GPC6: variants seen among roughly 807,000 people sequenced by gnomAD.
GPC6 encodes the protein glypican 6.
In GPC6, 14 loss-of-function variants were observed where a neutral mutation model predicts 55.2. That is an observed-to-expected ratio of 0.25 (90% CI 0.17 to 0.40). The LOEUF is 0.40. Among genes scored for constraint, GPC6 ranks in the 10% least tolerant of loss-of-function variants. The probability of loss-of-function intolerance (pLI) is 1.00; values close to 1 mark genes in which losing one functional copy is unlikely to be tolerated. For missense variants in GPC6, 641 were observed against 708.5 expected (o/e 0.90, Z 1.08); for synonymous variants, 278 against 259.6 (o/e 1.07, Z -0.68).
chr13:93,518,301 A>G (rs1364265920), intron 1 of GPC6, among the ~76,000 whole-genome samples: 1 of 151,778 alleles, frequency 6.6e-6, no homozygotes, highest in African/African-American at 2.4e-5. Flanking sequence ...TTATGTGGAT[A>G]CATTCAAATG....
At chr13:94,009,374 G>A (rs762936165) in intron 3 of GPC6, among the ~76,000 whole-genome samples, 1 of 152,088 alleles carries the variant, frequency 6.6e-6, no homozygotes, top group Non-Finnish European at 1.5e-5. Flanking sequence ...AGGATCTTGG[G>A]TATTAGAATA....
chr13:94,341,147 T>G (rs539223893), intron 6 of GPC6, among the ~76,000 whole-genome samples: 33 of 152,346 alleles, frequency 2.2e-4, no homozygotes, highest in African/African-American at 7.5e-4. Context: ...TTCTAGGCAC[T>G]TCTATACTAA....
intron 2 of GPC6, among the ~76,000 whole-genome samples, chr13:93,639,402 C>T (rs1370333559): frequency 6.6e-6 from 1 of 152,026 alleles, no homozygotes; most frequent in African/African-American, 2.4e-5. Flanking sequence ...CATTTAGGGG[C>T]TGTTGGATAA....
chr13:93,252,776 T>C (rs1309794502), intron 1 of GPC6, among the ~76,000 whole-genome samples: 1 of 152,218 alleles, frequency 6.6e-6, no homozygotes, highest in African/African-American at 2.4e-5. Flanking sequence ...AATTAAATAC[T>C]CCTTGGTTGG....
At chr13:94,059,057 A>C (rs1043556819) in intron 4 of GPC6, among the ~76,000 whole-genome samples, 2 of 152,162 alleles carry the variant, frequency 1.3e-5, no homozygotes, top group African/African-American at 4.8e-5. Context: ...AAACCAAAAA[A>C]AGAGCTTTAC....
intron 3 of GPC6, among the ~76,000 whole-genome samples, chr13:93,917,733 A>C (rs1877361197): frequency 6.6e-6 from 1 of 152,232 alleles, no homozygotes; most frequent in African/African-American, 2.4e-5. Context: ...GTGCGACCCC[A>C]GCCACATGAG....
chr13:94,287,635 A>G (rs2139086235), intron 5 of GPC6, among the ~76,000 whole-genome samples: 1 of 152,262 alleles, frequency 6.6e-6, no homozygotes, highest in African/African-American at 2.4e-5. Flanking sequence ...TAATGAGCTC[A>G]GTGTAGCCTG....
In GPC6 at chr13:94,158,939, C is replaced by T. The variant is rs145031147; in HGVS notation, c.878-127410C>T. Among the ~76,000 whole-genome samples the T allele has an allele frequency of 2.7e-3, 413 of 152,236 alleles. 3 individuals are homozygous for T. Among genetic ancestry groups the T allele is most frequent in the African/African-American group, 9.2e-3 (384 of 41,544 alleles). On this transcript the variant is annotated intron_variant, in intron 4 of 8. Transcript: ENST00000377047. ...TTACCACTATCCCCCAATATTAATTCACCCTACTCTGTTCCATCCAGATGT... is the reference window on the plus strand; with the variant it reads ...TTACCACTATCCCCCAATATTAATTTACCCTACTCTGTTCCATCCAGATGT...
chr13:93,844,113 C>G (rs1888069486), intron 3 of GPC6, among the ~76,000 whole-genome samples: 1 of 152,052 alleles, frequency 6.6e-6, no homozygotes, highest in Non-Finnish European at 1.5e-5. Flanking sequence ...CTCCTTTAAG[C>G]TTTATATTGG....
intron 3 of GPC6, among the ~76,000 whole-genome samples, chr13:93,917,759 C>T (rs1292203422): frequency 6.6e-6 from 1 of 152,120 alleles, no homozygotes; most frequent in African/African-American, 2.4e-5. Context: ...TGGGACATGT[C>T]ACATCATAAA....
At chr13:94,144,654 G>A (rs1456876694) in intron 4 of GPC6, among the ~76,000 whole-genome samples, 1 of 151,764 alleles carries the variant, frequency 6.6e-6, no homozygotes, top group Non-Finnish European at 1.5e-5. Context: ...ACAAAGACTT[G>A]TCTAAAATAC....
At chr13:94,370,818 A>C (rs994219188) in intron 6 of GPC6, among the ~76,000 whole-genome samples, 6 of 152,230 alleles carry the variant, frequency 3.9e-5, no homozygotes, top group African/African-American at 1.4e-4. Context: ...GAATTAACAC[A>C]TTCAGTACCT....
intron 4 of GPC6, among the ~76,000 whole-genome samples, chr13:94,103,827 C>T (rs973291690): frequency 2.0e-5 from 3 of 152,046 alleles, no homozygotes; most frequent in East Asian, 1.9e-4. Context: ...CTCCCATTCT[C>T]TAGGTTGCCT....
chr13:93,456,823 C>T (rs1198154880), intron 1 of GPC6, among the ~76,000 whole-genome samples: 1 of 152,100 alleles, frequency 6.6e-6, no homozygotes, highest in Non-Finnish European at 1.5e-5. Flanking sequence ...TCTGCTCCAT[C>T]ATCCTACTCT....
intron 2 of GPC6, among the ~76,000 whole-genome samples, chr13:93,638,170 C>G (rs761867262): frequency 5.9e-5 from 9 of 152,038 alleles, no homozygotes; most frequent in Non-Finnish European, 8.8e-5. Flanking sequence ...TCTTATCACA[C>G]TGCTGTAAAA....
intron 5 of GPC6, among the ~76,000 whole-genome samples, chr13:94,293,036 T>G (rs1262583069): frequency 6.6e-6 from 1 of 152,242 alleles, no homozygotes; most frequent in Non-Finnish European, 1.5e-5. Flanking sequence ...CAATATTATA[T>G]GTATGTATAC....
At chr13:94,150,647 A>G (rs1887704139) in intron 4 of GPC6, among the ~76,000 whole-genome samples, 1 of 151,634 alleles carries the variant, frequency 6.6e-6, no homozygotes, top group African/African-American at 2.4e-5. Context: ...GATAGGAAGC[A>G]TTCTTTGATA....
At chr13:93,283,631 T>G (rs1291375675) in intron 1 of GPC6, among the ~76,000 whole-genome samples, 2 of 152,166 alleles carry the variant, frequency 1.3e-5, no homozygotes, top group African/African-American at 4.8e-5. Context: ...CACAGTTTGG[T>G]GAATGTGAGA....
chr13:93,496,485 T>C (rs1033586749), intron 1 of GPC6, among the ~76,000 whole-genome samples: 4 of 152,198 alleles, frequency 2.6e-5, no homozygotes, highest in African/African-American at 4.8e-5. Context: ...GCGTCGCTCA[T>C]GCTGGGAGCT....
Sources: gnomAD v4.1 joint callset for allele counts (sites outside exome capture counted in the v4.1 genomes callset) on GRCh38, gnomAD v4.1.1 for gene constraint, MANE v1.5 for transcripts, NCBI Gene and HGNC (gene_info 2026-07-23, HGNC 2026-07-21) for gene names.